The following WFS1 variants were observed in gnomAD, a reference collection of about 807,000 sequenced individuals.
WFS1 encodes wolframin.
WFS1 carries 90 observed loss-of-function variants against 68.5 expected under a neutral mutation model. That is an observed-to-expected ratio of 1.31 (90% CI 1.11 to 1.56). The LOEUF (loss-of-function observed/expected upper bound fraction) is 1.56. Among genes scored for constraint, WFS1 ranks in the 40% most tolerant of loss-of-function variants. The probability of loss-of-function intolerance (pLI) is 0.00; values close to 1 mark genes in which losing one functional copy is unlikely to be tolerated. For synonymous variants in WFS1, 860 were observed against 540.7 expected (o/e 1.59, Z -8.19); for missense variants, 1,767 against 1,232.6 (o/e 1.43, Z -6.49).
chr4:6,275,636 A>C (rs1174290009), intron 1 of WFS1, among the ~76,000 whole-genome samples: 2 of 148,934 alleles, frequency 1.3e-5, no homozygotes, highest in African/African-American at 2.5e-5. Flanking sequence ...CATGGTTTGC[A>C]CCTGGGGGAT....
Position 6,302,072 on chromosome 4 carries a change from G to C in WFS1, c.2277G>C (p.Leu759=). 6.2e-7 allele frequency: 1 copy of C among 1,612,876 alleles called. No individual in the cohort carries two copies. Among genetic ancestry groups the C allele is most frequent in the South Asian group, 1.1e-5 (1 of 91,088 alleles). ...TAEEELCRLK[L]LAKHPCHIKK... is the part of the protein sequence containing the mutation. ...AGGAGGAGCTCTGTCGCCTTAAGCT[G>C]CTGGCCAAGCACCCCTGCCACATCA... Residue 759 remains leucine (L), a synonymous_variant, in exon 8 of 8, where the codon CTG becomes CTC. Coordinates refer to ENST00000226760, the MANE Select transcript of WFS1 (RefSeq NM_006005.3).
Position 6,298,644 on chromosome 4 carries a change from ACATG to A in WFS1, c.862-2006_862-2003del, listed in dbSNP as rs1378674347. On this transcript the variant is annotated intron_variant, in intron 7 of 7. Transcript: ENST00000226760. ...TCTGTGGAAGGCTCAGTCTGTGTAG[ACATG>A]CATGCACACACTCATAACACTTCCG... 3.3e-5 allele frequency among the ~76,000 whole-genome samples: 5 copies of A among 151,616 alleles called. No homozygotes were observed. In the East Asian group the frequency reaches 5.9e-4, roughly 18 times the overall value.
intron 1 of WFS1, among the ~76,000 whole-genome samples, chr4:6,277,019 T>C (rs1246985429): frequency 5.9e-5 from 9 of 152,244 alleles, no homozygotes; most frequent in Non-Finnish European, 1.5e-5. Flanking sequence ...AAGACCTGTT[T>C]TTCCAAATAA....
chr4:6,300,213 CTCAGGGAGGT>C (rs1730828353), intron 7 of WFS1, among the ~76,000 whole-genome samples: 1 of 152,148 alleles, frequency 6.6e-6, no homozygotes, highest in Middle Eastern at 3.2e-3. Context: ...TTCATGGAGG[CTCAGGGAGGT>C]GACATCCTTG....
chr4:6,277,398 C>A, intron 1 of WFS1, 53 bp from the exon 2 acceptor site: 1 of 1,508,078 alleles, frequency 6.6e-7, no homozygotes, highest in South Asian at 1.2e-5. Context: ...ACACTAAGTG[C>A]CAGAGCGGGC....
At chr4:6,282,176 C>T (rs1730189859) in intron 2 of WFS1, among the ~76,000 whole-genome samples, 1 of 152,240 alleles carries the variant, frequency 6.6e-6, no homozygotes, top group Admixed American at 6.5e-5. Flanking sequence ...AGAGTTCAGC[C>T]AGCATAGAAA....
intron 6 of WFS1, among the ~76,000 whole-genome samples, 154 bp downstream of exon 6, chr4:6,292,151 C>G (rs1292135938): frequency 6.6e-6 from 1 of 152,220 alleles, no homozygotes; most frequent in East Asian, 1.9e-4. Context: ...CTGTGCGACC[C>G]CATCCTGGCC....
In WFS1 at chr4:6,270,365, G is replaced by A. The variant is rs1417419764; in HGVS notation, c.-6+351G>A. On this transcript the variant is annotated intron_variant, in intron 1 of 7. Coordinates refer to ENST00000226760, the MANE Select transcript of WFS1 (RefSeq NM_006005.3). ...CCCCGCGCCCCGCGCCATCCCCCCC[G>A]AGTTGCCCCGTCATGCCCCTCCCCC... Among the ~76,000 whole-genome samples, 3 of 138,652 alleles carry A rather than the reference G, an allele frequency of 2.2e-5. No homozygotes were observed. The East Asian group carries it at 7.6e-4, about 35-fold the overall frequency. 91.0% of individuals were successfully genotyped at this position (138,652 alleles called of 152,430 possible).
rs1730213635 is a variant in WFS1, at chr4:6,283,148, T to C, written c.233-3945T>C. 6.6e-6 allele frequency among the ~76,000 whole-genome samples: 1 copy of C among 152,146 alleles called. No individual in the cohort carries two copies. The highest frequency in any genetic ancestry group is 1.5e-5 in the Non-Finnish European group (1 of 68,016). ...GTAGTGCCTGAGAAAGTGAGGGTCA[T>C]TGACTGATTCCACGTGGCATCCATG... On this transcript the variant is annotated intron_variant, in intron 2 of 7. Transcript: ENST00000226760. The surrounding 1 kb of genome is among the most constrained non-coding windows in gnomAD (Gnocchi z 5.0).
chr4:6,284,836 G>C (rs965910227), intron 2 of WFS1, among the ~76,000 whole-genome samples: 1 of 150,568 alleles, frequency 6.6e-6, no homozygotes, highest in Non-Finnish European at 1.5e-5. Context: ...GGATCCACAC[G>C]TGCGTCTGTG....
chr4:6,288,841 G>A, intron 3 of WFS1, 146 bp from the exon 4 acceptor site: 1 of 1,226,910 alleles, frequency 8.2e-7, no homozygotes, highest in Non-Finnish European at 1.2e-6. Context: ...CTAGCCTAGT[G>A]GACATGCCTG....
At chr4:6,284,902 C>G (rs915595206) in intron 2 of WFS1, among the ~76,000 whole-genome samples, 8 of 150,642 alleles carry the variant, frequency 5.3e-5, no homozygotes, top group Non-Finnish European at 1.0e-4. Context: ...CCTGCAGGCT[C>G]TGTGTCTGCA....
Position 6,291,992 on chromosome 4 carries a change from G to A in WFS1, c.707G>A (p.Ser236Asn). The change falls in exon 6 of 8, where the codon AGC (serine) becomes AAC (asparagine). Residue 236 changes from serine (S) to asparagine (N), a missense_variant. Physicochemically the swap from Ser to Asn is conservative, Grantham distance 46 (BLOSUM62 1). Transcript: ENST00000226760. ...QRRMLERLVS[S>N]ESKNYIALDD... ...CGCATGCTGGAGCGCCTGGTCAGCA[G>A]CGAGTGTGAGTGCAGCCCCTGCCCC... 1.9e-6 allele frequency: 3 copies of A among 1,607,280 alleles called. No individual in the cohort carries two copies. The highest frequency in any genetic ancestry group is 2.5e-6 in the Non-Finnish European group (3 of 1,177,978).
chr4:6,278,859 C>G (rs183843052), intron 2 of WFS1, among the ~76,000 whole-genome samples: 1 of 152,374 alleles, frequency 6.6e-6, no homozygotes, highest in Non-Finnish European at 1.5e-5. Context: ...CCCAGCCTCA[C>G]GGCTTCAGGG....
intron 2 of WFS1, among the ~76,000 whole-genome samples, chr4:6,279,962 C>T (rs1198060534): frequency 6.6e-6 from 1 of 152,226 alleles, no homozygotes; most frequent in Non-Finnish European, 1.5e-5. Flanking sequence ...GGCTGGAGCC[C>T]CACACTTCCT....
In WFS1 at chr4:6,302,516, T is replaced by G. The variant is rs565619703; in HGVS notation, c.*48T>G. 1.1e-5 allele frequency: 17 copies of G among 1,606,458 alleles called. No individual in the cohort carries two copies. In the African/African-American group the frequency reaches 2.3e-4, roughly 21 times the overall value. ...TCCAGTGCATGTTGCCATGAGGCCT[T>G]TCCCCAGTGTGGCCCCAGCCCGACA... On this transcript the variant is annotated 3_prime_UTR_variant, in exon 8 of 8. Coordinates refer to ENST00000226760, the MANE Select transcript of WFS1 (RefSeq NM_006005.3).
chr4:6,302,136 A>C lies in WFS1; in HGVS notation c.2341A>C (p.Met781Leu). 1 of 1,612,966 alleles carries C rather than the reference A, an allele frequency of 6.2e-7. No individual in the cohort carries two copies. The highest frequency in any genetic ancestry group is 8.5e-7 in the Non-Finnish European group (1 of 1,180,006). Residue 781 changes from methionine (M) to leucine (L), a missense_variant, in exon 8 of 8, where the codon ATG becomes CTG. Met to Leu is a conservative substitution (Grantham distance 15). Transcript: ENST00000226760. Reference protein sequence around the residue: ...DRYKFEITVGMPFSSGADGSR... With the variant: ...DRYKFEITVGLPFSSGADGSR... The stretch of plus-strand genomic sequence containing the variant: ...CTACAAGTTTGAGATTACCGTGGGC[A>C]TGCCATTCAGCAGCGGCGCTGACGG...
intron 4 of WFS1, 33 bp from the exon 5 acceptor site, chr4:6,291,164 A>G: frequency 1.2e-6 from 2 of 1,609,530 alleles, no homozygotes; most frequent in Non-Finnish European, 1.7e-6. Flanking sequence ...TAGGCAGGGC[A>G]CACAAGGCCT....
rs1730350040 is a variant in WFS1, at chr4:6,287,594, C to T, written c.315+419C>T. On this transcript the variant is annotated intron_variant, in intron 3 of 7. Transcript: ENST00000226760. The surrounding 1 kb of genome is among the most constrained non-coding windows in gnomAD (Gnocchi z 6.4). ...GAGCGGTGACCATTCACTTGGGCAT[C>T]AGCCAAGGGCTGGGCTTTGTGCCAG... 6.6e-6 allele frequency among the ~76,000 whole-genome samples: 1 copy of T among 152,228 alleles called. No homozygotes were observed. Among genetic ancestry groups the T allele is most frequent in the African/African-American group, 2.4e-5 (1 of 41,452 alleles).
Sources: allele counts gnomAD v4.1 joint callset (sites outside exome capture counted in the v4.1 genomes callset), GRCh38; gene constraint gnomAD v4.1.1; non-coding constraint Gnocchi (gnomAD v3.1); transcripts MANE v1.5; gene names NCBI Gene and HGNC (gene_info 2026-07-23, HGNC 2026-07-21).